The following TPTE variants were observed in gnomAD, a reference collection of about 807,000 sequenced individuals.
TPTE encodes the protein transmembrane phosphatase with tensin homology.
A neutral mutation model predicts 84.1 loss-of-function variants in TPTE; 59 were observed. The observed-to-expected ratio is 0.70, with a 90% CI of 0.57 to 0.87. TPTE has a LOEUF of 0.87. Among genes scored for constraint, TPTE ranks in the 40% least tolerant of loss-of-function variants. The probability of loss-of-function intolerance (pLI) is 0.00; values close to 1 mark genes in which losing one functional copy is unlikely to be tolerated. For synonymous variants in TPTE, 130 were observed against 223.5 expected (o/e 0.58, Z 3.73); for missense variants, 382 against 659.6 (o/e 0.58, Z 4.61).
Position 10,596,070 on chromosome 21 carries a change from T to C in TPTE, c.1259T>C (p.Ile420Thr), listed in dbSNP as rs761942601. The C allele has an allele frequency of 6.2e-7, 1 of 1,614,054 alleles. No homozygotes were observed. Among genetic ancestry groups the C allele is most frequent in the South Asian group, 1.1e-5 (1 of 91,072 alleles). Residue 420 changes from isoleucine to threonine, a missense_variant, in exon 20 of 24, where the codon ATT (isoleucine) becomes ACT (threonine). Ile to Thr is a moderately conservative substitution (Grantham distance 89). Around this residue, in one of 10 missense-constraint regions of TPTE, gnomAD observed 36 missense variants for 36.3 expected, o/e 0.99. Transcript: ENST00000618007. ...PRRILFIKHF[I>T]IYSIPRYVRD... is the part of the protein sequence containing the mutation. The stretch of plus-strand genomic sequence containing the variant: ...CGGATACTCTTTATAAAACACTTCA[T>C]TATTTATTCGATTCCTCGTAAGTGC...
At chr21:10,560,839 C>T (rs2074784805) in intron 9 of TPTE, among the ~76,000 whole-genome samples, 191 bp from the exon 10 acceptor site, 1 of 152,300 alleles carries the variant, frequency 6.6e-6, no homozygotes, top group South Asian at 2.1e-4. Flanking sequence ...TTAAGAACTG[C>T]TTCTATTGGG....
At chr21:10,545,323 C>T (rs561345653) in intron 7 of TPTE, among the ~76,000 whole-genome samples, 171 of 152,332 alleles carry the variant, frequency 1.1e-3, no homozygotes, top group African/African-American at 3.9e-3. Flanking sequence ...AGCACCTTTA[C>T]ATAATATAAG....
chr21:10,601,969 A>C (rs1978583253), intron 21 of TPTE, 89 bp from the exon 22 acceptor site: 1 of 1,423,086 alleles, frequency 7.0e-7, no homozygotes, highest in African/African-American at 1.4e-5. Flanking sequence ...AGTACTTGAT[A>C]AATACAGGAA....
chr21:10,560,768 G>A (rs1388383146), intron 9 of TPTE, among the ~76,000 whole-genome samples: 2 of 152,306 alleles, frequency 1.3e-5, no homozygotes, highest in African/African-American at 4.8e-5. Context: ...CTCTCTTGAG[G>A]TGTTGGTCTG....
At chr21:10,542,478 C>A in intron 6 of TPTE, 30 bp downstream of exon 6, 2 of 1,607,726 alleles carry the variant, frequency 1.2e-6, no homozygotes, top group Non-Finnish European at 1.7e-6. Context: ...AGTCACCCGT[C>A]AGCATAAGTG....
At chr21:10,569,854 A>C in intron 13 of TPTE, 108 bp downstream of exon 13, 3 of 1,606,128 alleles carry the variant, frequency 1.9e-6, no homozygotes, top group South Asian at 1.1e-5. Context: ...TTCTTTATTC[A>C]TGAGGATATA....
At chr21:10,530,496 A>G (rs1403169670) in intron 3 of TPTE, among the ~76,000 whole-genome samples, 1 of 152,310 alleles carries the variant, frequency 6.6e-6, no homozygotes, top group Non-Finnish European at 1.5e-5. Flanking sequence ...ACATAAGATT[A>G]TTCTTCTTGT....
intron 2 of TPTE, among the ~76,000 whole-genome samples, chr21:10,526,920 A>G (rs1346530036): frequency 6.6e-6 from 1 of 152,312 alleles, no homozygotes; most frequent in Non-Finnish European, 1.5e-5. Context: ...GATATTGTAA[A>G]ACATAGCCAT....
intron 14 of TPTE, among the ~76,000 whole-genome samples, chr21:10,576,873 A>G (rs1441422127): frequency 2.1e-5 from 3 of 143,440 alleles, no homozygotes; most frequent in Admixed American, 7.0e-5. Context: ...ATATATATAT[A>G]TATAGACACA....
chr21:10,522,090 C>T (rs1469662478), intron 1 of TPTE, among the ~76,000 whole-genome samples: 2 of 152,046 alleles, frequency 1.3e-5, no homozygotes, highest in Non-Finnish European at 2.9e-5. Flanking sequence ...GGCGCCCGCC[C>T]GGTCCTGCGG....
At chr21:10,557,893 CCTCT>C (rs972626105) in intron 8 of TPTE, among the ~76,000 whole-genome samples, 1 of 152,288 alleles carries the variant, frequency 6.6e-6, no homozygotes, top group African/African-American at 2.4e-5. Flanking sequence ...CTTTTCTGCT[CCTCT>C]CTCTCCTCCT....
At chr21:10,542,077 G>A (rs1159992987) in intron 5 of TPTE, among the ~76,000 whole-genome samples, 2 of 152,300 alleles carry the variant, frequency 1.3e-5, no homozygotes, top group Non-Finnish European at 1.5e-5. Flanking sequence ...TAAGAGGGCT[G>A]ACTACCTACA....
intron 8 of TPTE, 80 bp downstream of exon 8, chr21:10,552,796 A>G: frequency 2.5e-6 from 4 of 1,608,922 alleles, no homozygotes; most frequent in Non-Finnish European, 3.4e-6. Context: ...CCGCTGAGGC[A>G]AGAAGGAAAA....
intron 10 of TPTE, among the ~76,000 whole-genome samples, chr21:10,564,644 T>A (rs2074879551): frequency 6.6e-6 from 1 of 152,310 alleles, no homozygotes. Flanking sequence ...ATGGGAAAGA[T>A]CACTCATCAT....
chr21:10,561,302 G>A lies in TPTE; in HGVS notation c.446+111G>A, dbSNP rs1407160304. The stretch of plus-strand genomic sequence containing the variant: ...AGGTCAGGAGTTCGAGACGATCCTG[G>A]CCAACATGGTGAAACCCCGTCTCTA... On this transcript the variant is annotated intron_variant, in intron 10 of 23. Transcript: ENST00000618007. 11 of 1,402,612 alleles carry A rather than the reference G, an allele frequency of 7.8e-6. No individual in the cohort carries two copies. The East Asian group carries it at 2.1e-4, about 27-fold the overall frequency. 86.9% of individuals were successfully genotyped at this position (1,402,612 alleles called of 1,614,324 possible). A position where few individuals can be genotyped will look rare whatever the true frequency, so the allele number is the denominator to read the frequency against.
chr21:10,527,155 T>TCTCTCA (rs1555885304), intron 2 of TPTE, among the ~76,000 whole-genome samples, 200 bp from the exon 3 acceptor site: 4 of 144,548 alleles, frequency 2.8e-5, no homozygotes, highest in Non-Finnish European at 4.6e-5. Flanking sequence ...TCTCTCTCTC[T>TCTCTCA]CTCACACACA....
intron 8 of TPTE, among the ~76,000 whole-genome samples, chr21:10,555,664 T>C (rs1301693878): frequency 2.6e-5 from 4 of 152,294 alleles, no homozygotes; most frequent in Admixed American, 6.5e-5. Flanking sequence ...TTTGGTTTTA[T>C]TTATCATCTT....
intron 3 of TPTE, among the ~76,000 whole-genome samples, chr21:10,537,643 A>T (rs1568956651): frequency 2.0e-5 from 3 of 152,212 alleles, no homozygotes; most frequent in Non-Finnish European, 2.9e-5. Flanking sequence ...CTGCCACTGC[A>T]CTCCAGCCTG....
chr21:10,558,663 T>G (rs2074731588), intron 8 of TPTE, among the ~76,000 whole-genome samples: 1 of 152,420 alleles, frequency 6.6e-6, no homozygotes, highest in East Asian at 1.9e-4. Context: ...TGTCTTAGGA[T>G]TCATGGCTCT....
Sources: gnomAD v4.1 joint callset for allele counts (sites outside exome capture counted in the v4.1 genomes callset) on GRCh38, gnomAD v4.1.1 for gene constraint, gnomAD v4.1.1 regional missense constraint, MANE v1.5 for transcripts, NCBI Gene and HGNC (gene_info 2026-07-23, HGNC 2026-07-21) for gene names.